Variants in PRICKLE2 observed in about 807,000 individuals in gnomAD.
PRICKLE2 encodes the protein prickle planar cell polarity protein 2, also known as prickle-like protein 2.
Under a neutral mutation model 81.4 loss-of-function variants are expected in PRICKLE2, and 21 were observed. The observed-to-expected ratio is 0.26, with a 90% CI of 0.18 to 0.37. The LOEUF (loss-of-function observed/expected upper bound fraction) is 0.37. Among genes scored for constraint, PRICKLE2 ranks in the 10% least tolerant of loss-of-function variants. The probability of loss-of-function intolerance (pLI) is 1.00; values close to 1 mark genes in which losing one functional copy is unlikely to be tolerated. For missense variants in PRICKLE2, 940 were observed against 1,109.0 expected, an observed-to-expected ratio of 0.85 and a Z score of 2.16; for synonymous variants, 456 against 421.5, an observed-to-expected ratio of 1.08 and a Z score of -1.00.
In PRICKLE2 at chr3:64,099,183, C is replaced by T. The variant is rs2076613170; in HGVS notation, c.2403G>A (p.Leu801=). 1 of 1,614,132 alleles carries T rather than the reference C, an allele frequency of 6.2e-7. No homozygotes were observed. Among genetic ancestry groups the T allele is most frequent in the Admixed American group, 1.7e-5 (1 of 60,010 alleles). Residue 801 remains leucine, a synonymous_variant, in exon 8 of 8, where the codon CTG becomes CTA. Transcript: ENST00000638394. The surrounding 1 kb of genome is among the most constrained non-coding windows in gnomAD (Gnocchi z 4.3). The part of the protein sequence containing the change: ...LGEPIPQPAR[L]RYVTSDELLH... ...GCAGCTCATCGCTTGTGACGTATCG[C>T]AGGCGCGCTGGCTGGGGGATGGGTT...
Position 64,175,909 on chromosome 3 carries a change from C to T in PRICKLE2, c.145-12780G>A, listed in dbSNP as rs570789059. ...GCTTTGGGCTGCTAGTAATCATGAC[C>T]CGAGAATAGTGGCCTAGGACTGGTT... On this transcript the variant is annotated intron_variant, in intron 2 of 7. Transcript: ENST00000638394. Among the ~76,000 whole-genome samples the T allele has an allele frequency of 2.6e-5, 4 of 152,010 alleles. No homozygotes were observed. The East Asian group carries it at 7.7e-4, about 29-fold the overall frequency.
At chr3:64,209,930 T>C (rs190890958) in intron 1 of PRICKLE2, among the ~76,000 whole-genome samples, 2 of 152,310 alleles carry the variant, frequency 1.3e-5, no homozygotes, top group Admixed American at 1.3e-4. Flanking sequence ...GAGGCAGATA[T>C]GAGAAAAATC....
chr3:64,227,448 T>G (rs1386357319), upstream of PRICKLE2, among the ~76,000 whole-genome samples: 1 of 152,160 alleles, frequency 6.6e-6, no homozygotes, highest in Admixed American at 6.5e-5. Flanking sequence ...CATCTACTCA[T>G]GATCAGCATG....
intron 7 of PRICKLE2, among the ~76,000 whole-genome samples, chr3:64,125,859 C>T (rs1235311099): frequency 6.6e-6 from 1 of 152,020 alleles, no homozygotes; most frequent in East Asian, 1.9e-4. Context: ...ACCTGAAATA[C>T]AAAACACTTC....
At chr3:64,244,328 T>C (rs1267582313) in intron 2 of PRICKLE2, among the ~76,000 whole-genome samples, 2 of 152,166 alleles carry the variant, frequency 1.3e-5, no homozygotes, top group Non-Finnish European at 2.9e-5. Flanking sequence ...CCAATTTGTA[T>C]ACTTATTTGT....
chr3:64,103,290 T>C (rs922407134), intron 7 of PRICKLE2, among the ~76,000 whole-genome samples: 2 of 152,174 alleles, frequency 1.3e-5, no homozygotes, highest in Admixed American at 6.5e-5. Context: ...ATGGCTTCCT[T>C]GCCTCCACAC....
chr3:64,216,919 T>C (rs1257643021), intron 1 of PRICKLE2, among the ~76,000 whole-genome samples: 1 of 152,218 alleles, frequency 6.6e-6, no homozygotes, highest in African/African-American at 2.4e-5. Flanking sequence ...GGCAAGCTTC[T>C]AGTCTTGACA....
At chr3:64,142,136 G>A (rs985320051) in intron 7 of PRICKLE2, among the ~76,000 whole-genome samples, 2 of 152,096 alleles carry the variant, frequency 1.3e-5, no homozygotes, top group African/African-American at 4.8e-5. Context: ...CTGCTCCAAT[G>A]AGGAATGATG....
At chr3:64,176,578 G>A (rs1271203828) in intron 2 of PRICKLE2, among the ~76,000 whole-genome samples, 1 of 152,170 alleles carries the variant, frequency 6.6e-6, no homozygotes. Flanking sequence ...TCCAAAGAAA[G>A]AATTCTTTTT....
intron 2 of PRICKLE2, among the ~76,000 whole-genome samples, chr3:64,238,325 T>C (rs1228453250): frequency 6.6e-6 from 1 of 151,482 alleles, no homozygotes; most frequent in Non-Finnish European, 1.5e-5. Context: ...TCGTCTCTAC[T>C]AAAAGTACAA....
At chr3:64,103,839 G>A (rs2076708021) in intron 7 of PRICKLE2, among the ~76,000 whole-genome samples, 1 of 152,040 alleles carries the variant, frequency 6.6e-6, no homozygotes, top group African/African-American at 2.4e-5. Flanking sequence ...AATTAGCTGG[G>A]CATGGTGGTG....
At chr3:64,250,155 G>A (rs2079424974) in intron 2 of PRICKLE2, among the ~76,000 whole-genome samples, 1 of 152,114 alleles carries the variant, frequency 6.6e-6, no homozygotes, top group Non-Finnish European at 1.5e-5. Context: ...CTTTTATCAG[G>A]CCTGCAATAC....
intron 2 of PRICKLE2, among the ~76,000 whole-genome samples, chr3:64,166,822 T>C (rs930951201): frequency 6.6e-6 from 1 of 152,192 alleles, no homozygotes; most frequent in African/African-American, 2.4e-5. Flanking sequence ...GGACTTCCAA[T>C]CCTCTTCGAA....
intron 2 of PRICKLE2, among the ~76,000 whole-genome samples, chr3:64,169,958 C>T (rs760463617): frequency 6.6e-6 from 1 of 152,058 alleles, no homozygotes; most frequent in Non-Finnish European, 1.5e-5. Context: ...ACCTGGAGGA[C>T]CATCAGGTAG....
intron 7 of PRICKLE2, among the ~76,000 whole-genome samples, chr3:64,143,978 A>C (rs1199615772): frequency 6.7e-6 from 1 of 148,518 alleles, no homozygotes; most frequent in Non-Finnish European, 1.5e-5. Flanking sequence ...CATCTGAAAC[A>C]TGGGGATGAG....
intron 2 of PRICKLE2, among the ~76,000 whole-genome samples, chr3:64,238,394 G>C (rs897589494): frequency 4.6e-5 from 7 of 151,002 alleles, no homozygotes; most frequent in African/African-American, 1.7e-4. Flanking sequence ...AGGCTGAGTA[G>C]GAGAATCACT....
intron 7 of PRICKLE2, 199 bp downstream of exon 7, chr3:64,146,631 T>A (rs1490507077): frequency 1.7e-6 from 1 of 586,746 alleles, no homozygotes; most frequent in Non-Finnish European, 3.0e-6. Flanking sequence ...TAGTCCCAAC[T>A]ACTCGTGAGG....
intron 7 of PRICKLE2, among the ~76,000 whole-genome samples, chr3:64,144,549 T>C (rs1559536516): frequency 6.6e-6 from 1 of 152,232 alleles, no homozygotes; most frequent in Admixed American, 6.5e-5. Context: ...TATCACAGTC[T>C]CTATCCAGAC....
chr3:64,113,415 G>A (rs1261398488), intron 7 of PRICKLE2, among the ~76,000 whole-genome samples: 1 of 152,130 alleles, frequency 6.6e-6, no homozygotes, highest in Non-Finnish European at 1.5e-5. Context: ...CCTGCTTAGA[G>A]GGCAGTCTTG....
Sources: gnomAD v4.1 joint callset for allele counts (sites outside exome capture counted in the v4.1 genomes callset) on GRCh38, gnomAD v4.1.1 for gene constraint, Gnocchi (gnomAD v3.1) non-coding constraint, MANE v1.5 for transcripts, NCBI Gene and HGNC (gene_info 2026-07-23, HGNC 2026-07-21) for gene names.